SH3RF3: variants seen among roughly 807,000 people sequenced by gnomAD.
The protein encoded by SH3RF3 is SH3 domain containing ring finger 3, also known as E3 ubiquitin-protein ligase SH3RF3.
Under a neutral mutation model 66.3 loss-of-function variants are expected in SH3RF3, and 29 were observed. The observed-to-expected ratio is 0.44, with a 90% CI of 0.33 to 0.60. SH3RF3 has a LOEUF of 0.60. Among genes scored for constraint, SH3RF3 ranks in the 20% least tolerant of loss-of-function variants. The pLI is 0.04. For missense variants in SH3RF3, 1,194 were observed against 1,190.9 expected (o/e 1.00, Z -0.04); for synonymous variants, 583 against 532.0 (o/e 1.10, Z -1.32).
chr2:109,137,432 G>C (rs1304726983), intron 1 of SH3RF3, among the ~76,000 whole-genome samples: 2 of 152,234 alleles, frequency 1.3e-5, no homozygotes, highest in Non-Finnish European at 2.9e-5. Context: ...TAGTTCTGGA[G>C]CAGATGCTCT....
chr2:109,497,090 T>C (rs1679278133), intron 9 of SH3RF3, among the ~76,000 whole-genome samples: 1 of 152,354 alleles, frequency 6.6e-6, no homozygotes, highest in Admixed American at 6.5e-5. Context: ...TGAGACCACG[T>C]TGGAGTTCTG....
Position 109,206,877 on chromosome 2 carries a change from A to G in SH3RF3, c.573+76764A>G, listed in dbSNP as rs567809706. 3.3e-5 allele frequency among the ~76,000 whole-genome samples: 5 copies of G among 152,348 alleles called. No homozygotes were observed. The East Asian group carries it at 9.6e-4, about 29-fold the overall frequency. On this transcript the variant is annotated intron_variant, in intron 1 of 9. Transcript: ENST00000309415. ...TTGTCAAAGTTGACTGAGCATTCTC[A>G]GTGCCCCTTCTGCCCAGTCATGGGC...
intron 1 of SH3RF3, among the ~76,000 whole-genome samples, chr2:109,171,599 C>T (rs1312990848): frequency 6.6e-6 from 1 of 152,224 alleles, no homozygotes; most frequent in Admixed American, 6.5e-5. Context: ...TCTCGCCGCC[C>T]CTGGTCTGTG....
intron 1 of SH3RF3, among the ~76,000 whole-genome samples, chr2:109,339,223 C>T (rs773228980): frequency 1.4e-5 from 2 of 145,592 alleles, no homozygotes; most frequent in Non-Finnish European, 3.0e-5. Context: ...AAAAAATCCA[C>T]GTATAAGTAG....
chr2:109,323,771 T>G (rs1222225940), intron 1 of SH3RF3, among the ~76,000 whole-genome samples: 1 of 152,252 alleles, frequency 6.6e-6, no homozygotes, highest in Admixed American at 6.5e-5. Flanking sequence ...ACATGTTTTA[T>G]AGATGTTAAT....
At chr2:109,393,163 G>A (rs1320620900) in intron 3 of SH3RF3, among the ~76,000 whole-genome samples, 1 of 152,192 alleles carries the variant, frequency 6.6e-6, no homozygotes, top group Non-Finnish European at 1.5e-5. Context: ...GAAGCTTTAA[G>A]GCCAGCAACC....
intron 1 of SH3RF3, among the ~76,000 whole-genome samples, chr2:109,336,224 C>T (rs767578283): frequency 2.0e-5 from 3 of 152,200 alleles, no homozygotes; most frequent in Non-Finnish European, 2.9e-5. Context: ...GAAGGATTCT[C>T]CCTCACTGGG....
chr2:109,285,724 G>A (rs1681016939), intron 1 of SH3RF3, among the ~76,000 whole-genome samples: 1 of 152,190 alleles, frequency 6.6e-6, no homozygotes, highest in Non-Finnish European at 1.5e-5. Flanking sequence ...CCCTGAGCCT[G>A]GTCCAGTGTG....
chr2:109,162,351 C>T lies in SH3RF3; in HGVS notation c.573+32238C>T, dbSNP rs539407758. On this transcript the variant is annotated intron_variant, in intron 1 of 9. Coordinates refer to ENST00000309415, the MANE Select transcript of SH3RF3 (RefSeq NM_001099289.3). ...TCTGACACGTAAGCCCTCAGAGAGC[C>T]GGGCCTCTCTCATTTTTCCCCTCTT... 9.2e-5 allele frequency among the ~76,000 whole-genome samples: 14 copies of T among 152,234 alleles called. 1 individual carries two copies. The East Asian group carries it at 1.5e-3, about 17-fold the overall frequency.
At chr2:109,453,288 C>A (rs1206572523) in intron 8 of SH3RF3, among the ~76,000 whole-genome samples, 1 of 152,244 alleles carries the variant, frequency 6.6e-6, no homozygotes, top group Admixed American at 6.5e-5. Flanking sequence ...TGCCCTGTGG[C>A]CAGGCCCCCA....
rs1475751915 is a variant in SH3RF3, at chr2:109,153,403, G to A, written c.573+23290G>A. ...TGAGGTTTGGAAAGGCAATTACGCT[G>A]ATTTTGCCCAAAATTTGGACAGATT... On this transcript the variant is annotated intron_variant, in intron 1 of 9. Coordinates refer to ENST00000309415, the MANE Select transcript of SH3RF3 (RefSeq NM_001099289.3). Among the ~76,000 whole-genome samples, 11 of 152,192 alleles carry A rather than the reference G, an allele frequency of 7.2e-5. 1 individual carries two copies. The highest frequency in any genetic ancestry group is 6.3e-3 in the Middle Eastern group (2 of 316).
At chr2:109,193,376 C>A (rs1235835258) in intron 1 of SH3RF3, among the ~76,000 whole-genome samples, 1 of 152,170 alleles carries the variant, frequency 6.6e-6, no homozygotes, top group Non-Finnish European at 1.5e-5. Context: ...TAATGTGTAG[C>A]CATCGCCACA....
intron 1 of SH3RF3, among the ~76,000 whole-genome samples, chr2:109,137,533 C>T (rs1003091524): frequency 6.6e-6 from 1 of 152,190 alleles, no homozygotes; most frequent in Non-Finnish European, 1.5e-5. Flanking sequence ...TCTGAAGATT[C>T]TTTTAATTTT....
intron 8 of SH3RF3, among the ~76,000 whole-genome samples, chr2:109,486,908 T>C (rs868688489): frequency 6.6e-6 from 1 of 152,208 alleles, no homozygotes; most frequent in Non-Finnish European, 1.5e-5. Flanking sequence ...ACGAGACGTT[T>C]TGTTCCTAAC....
intron 4 of SH3RF3, among the ~76,000 whole-genome samples, chr2:109,414,941 G>T (rs1442059248): frequency 2.6e-5 from 4 of 152,228 alleles, no homozygotes; most frequent in Non-Finnish European, 5.9e-5. Context: ...TGGCAAACGG[G>T]AAAAGACCCT....
intron 1 of SH3RF3, among the ~76,000 whole-genome samples, chr2:109,218,962 C>G (rs1266066866): frequency 6.6e-6 from 1 of 152,216 alleles, no homozygotes; most frequent in African/African-American, 2.4e-5. Context: ...GTGTGTCTCT[C>G]TTCCTCACTG....
At chr2:109,398,297 A>G (rs748822215) in intron 3 of SH3RF3, among the ~76,000 whole-genome samples, 1 of 152,128 alleles carries the variant, frequency 6.6e-6, no homozygotes. Flanking sequence ...CATCCCAGAA[A>G]TGGCCAGCAG....
chr2:109,459,895 A>C (rs1202540010), intron 8 of SH3RF3, among the ~76,000 whole-genome samples: 1 of 152,214 alleles, frequency 6.6e-6, no homozygotes, highest in Non-Finnish European at 1.5e-5. Context: ...TCCTGGGCCC[A>C]TGAGTCCTGG....
intron 2 of SH3RF3, among the ~76,000 whole-genome samples, chr2:109,365,335 G>A (rs982778948): frequency 1.3e-5 from 2 of 152,200 alleles, no homozygotes; most frequent in African/African-American, 4.8e-5. Context: ...TGAACCTCCA[G>A]CACACATCAG....
Sources: allele counts gnomAD v4.1 joint callset (sites outside exome capture counted in the v4.1 genomes callset), GRCh38; gene constraint gnomAD v4.1.1; transcripts MANE v1.5; gene names NCBI Gene and HGNC (gene_info 2026-07-23, HGNC 2026-07-21).